The following SAMD5 variants were observed in gnomAD, a reference collection of about 807,000 sequenced individuals.
SAMD5 encodes the protein sterile alpha motif domain-containing protein 5.
A neutral mutation model predicts 11.3 loss-of-function variants in SAMD5; 13 were observed. That is an observed-to-expected ratio of 1.15 (90% confidence interval 0.75 to 1.83). SAMD5 has a LOEUF of 1.83. Ranked by LOEUF, SAMD5 falls within the 40% of genes most tolerant of loss-of-function variation. SAMD5 has a pLI of 0.00. For missense variants in SAMD5, 255 were observed against 239.1 expected, an observed-to-expected ratio of 1.07 and a Z score of -0.44; for synonymous variants, 129 against 111.3, an observed-to-expected ratio of 1.16 and a Z score of -1.00.
At chr6:147,533,522 A>G (rs1788462622) in intron 1 of SAMD5, among the ~76,000 whole-genome samples, 1 of 152,052 alleles carries the variant, frequency 6.6e-6, no homozygotes, top group East Asian at 1.9e-4. Context: ...GTCTGACATC[A>G]GGAAGGTAGA....
chr6:147,638,129 C>T (rs1369366523), intron 1 of SAMD5, among the ~76,000 whole-genome samples: 1 of 152,074 alleles, frequency 6.6e-6, no homozygotes, highest in African/African-American at 2.4e-5. Flanking sequence ...CCCTCTCTCT[C>T]CCCACCAAAA....
intron 1 of SAMD5, among the ~76,000 whole-genome samples, chr6:147,626,694 C>G (rs531765990): frequency 6.8e-6 from 1 of 147,008 alleles, no homozygotes; most frequent in African/African-American, 2.5e-5. Flanking sequence ...TGGCTCTTCT[C>G]TGTAATCTCA....
At chr6:147,763,410 C>T in the SAMD5 span, among the ~76,000 whole-genome samples, 1 of 152,000 alleles carries the variant, frequency 6.6e-6, no homozygotes, top group Non-Finnish European at 1.5e-5. Context: ...GATCTGCCCG[C>T]CTCGGCCTCT....
At chr6:147,525,575 G>A (rs1356343851) in intron 1 of SAMD5, among the ~76,000 whole-genome samples, 2 of 151,950 alleles carry the variant, frequency 1.3e-5, no homozygotes, top group Non-Finnish European at 2.9e-5. Context: ...TTGTGACTTG[G>A]CATTGTTGTT....
intron 1 of SAMD5, among the ~76,000 whole-genome samples, chr6:147,705,575 C>G (rs1158687397): frequency 6.6e-6 from 1 of 152,170 alleles, no homozygotes; most frequent in African/African-American, 2.4e-5. Context: ...GAGAATTCTA[C>G]TGTATCCTCT....
chr6:147,684,526 G>A (rs1790982616), intron 1 of SAMD5, among the ~76,000 whole-genome samples: 1 of 152,116 alleles, frequency 6.6e-6, no homozygotes, highest in Non-Finnish European at 1.5e-5. Context: ...GTTAGTGGAT[G>A]CTGCTAAATA....
chr6:147,741,165 G>A (rs1791874436), downstream of SAMD5, among the ~76,000 whole-genome samples: 1 of 152,112 alleles, frequency 6.6e-6, no homozygotes. Flanking sequence ...ATCTACTAGA[G>A]GTAAAGACAT....
chr6:147,684,346 A>G (rs1221870966), intron 1 of SAMD5, among the ~76,000 whole-genome samples: 1 of 151,570 alleles, frequency 6.6e-6, no homozygotes, highest in Non-Finnish European at 1.5e-5. Context: ...TTTTATATCC[A>G]TTCTACTGTT....
chr6:147,515,427 TCCAA>T (rs1788153661), intron 1 of SAMD5, among the ~76,000 whole-genome samples: 1 of 136,916 alleles, frequency 7.3e-6, no homozygotes, highest in African/African-American at 3.2e-5. Context: ...CCGTCTTCCA[TCCAA>T]CCATCCATCC....
rs1736350137 is a variant in SAMD5, at chr6:147,567,895, TG to T, written c.*3442del. 1.0e-6 allele frequency: 1 copy of T among 985,622 alleles called. No individual in the cohort carries two copies. The highest frequency in any genetic ancestry group is 1.7e-5 in the African/African-American group (1 of 57,244). The allele number at this position is 985,622 out of a possible 1,614,324, so 61.1% of individuals were successfully genotyped here. Reference sequence around the variant, plus strand: ...TTAAGGAAACAATAACACTCCATCCTGGGCAACAGAGCAAGATCCCGTCTCA... The same window carrying T: ...TTAAGGAAACAATAACACTCCATCCTGGCAACAGAGCAAGATCCCGTCTCA... On this transcript the variant is annotated 3_prime_UTR_variant, in exon 2 of 2. Coordinates refer to ENST00000367474, the MANE Select transcript of SAMD5 (RefSeq NM_001030060.3).
chr6:147,801,641 G>T, the SAMD5 span, among the ~76,000 whole-genome samples: 4 of 152,132 alleles, frequency 2.6e-5, no homozygotes, highest in Admixed American at 6.5e-5. Context: ...CAGGGCTGTT[G>T]TCCTTTAGAG....
intron 1 of SAMD5, among the ~76,000 whole-genome samples, chr6:147,646,461 C>T (rs989945275): frequency 1.3e-5 from 2 of 152,156 alleles, no homozygotes; most frequent in Non-Finnish European, 2.9e-5. Context: ...CAAAGGATTT[C>T]GATTGGCCTG....
the SAMD5 span, among the ~76,000 whole-genome samples, chr6:147,932,619 TGTGTGTG>T: frequency 6.6e-6 from 1 of 150,850 alleles, no homozygotes; most frequent in Non-Finnish European, 1.5e-5. Context: ...TGTGTGTGTG[TGTGTGTG>T]TGTGTGTGTG....
At chr6:147,809,864 C>G in the SAMD5 span, among the ~76,000 whole-genome samples, 3 of 152,210 alleles carry the variant, frequency 2.0e-5, no homozygotes, top group African/African-American at 7.2e-5. Context: ...CTAAAAACGT[C>G]TCCAGACAGT....
At chr6:147,691,715 A>G (rs1269335942) in intron 1 of SAMD5, among the ~76,000 whole-genome samples, 2 of 152,104 alleles carry the variant, frequency 1.3e-5, no homozygotes, top group Non-Finnish European at 2.9e-5. Context: ...TTGACCCCAG[A>G]TGATATTTTT....
chr6:147,947,120 T>C, the SAMD5 span, among the ~76,000 whole-genome samples: 1 of 152,216 alleles, frequency 6.6e-6, no homozygotes, highest in East Asian at 1.9e-4. Context: ...TCTCTGACCA[T>C]CTTTTGCTCT....
chr6:147,753,433 ATAG>A, the SAMD5 span, among the ~76,000 whole-genome samples: 1 of 152,222 alleles, frequency 6.6e-6, no homozygotes, highest in Non-Finnish European at 1.5e-5. Flanking sequence ...TTGTGGGTAC[ATAG>A]TAGGTGTACA....
intron 1 of SAMD5, among the ~76,000 whole-genome samples, chr6:147,518,248 C>G (rs1788202069): frequency 6.6e-6 from 1 of 152,030 alleles, no homozygotes; most frequent in South Asian, 2.1e-4. Flanking sequence ...CTTAGAAAGC[C>G]CTCTACGAAA....
intron 1 of SAMD5, among the ~76,000 whole-genome samples, chr6:147,666,302 G>T (rs1271208154): frequency 6.6e-6 from 1 of 151,586 alleles, no homozygotes; most frequent in Non-Finnish European, 1.5e-5. Flanking sequence ...TGACTTAAAA[G>T]ATGTGTATCG....
Sources: allele counts gnomAD v4.1 joint callset (sites outside exome capture counted in the v4.1 genomes callset), GRCh38; gene constraint gnomAD v4.1.1; transcripts MANE v1.5; gene names NCBI Gene and HGNC (gene_info 2026-07-23, HGNC 2026-07-21).